SMIM33: variants seen among roughly 807,000 people sequenced by gnomAD.
SMIM33 encodes small integral membrane protein 33.
chr5:139,471,237 C>T, intron 1 of SMIM33, 107 bp downstream of exon 1: 1 of 398,756 alleles, frequency 2.5e-6, no homozygotes. Flanking sequence ...TCTAGAGCTG[C>T]TTCCCCACCC....
Position 139,473,052 on chromosome 5 carries a change from C to G in SMIM33, c.*131C>G, listed in dbSNP as rs1223843911. Reference sequence around the variant, plus strand: ...CACACTGGACTCAGCTGGAGCTGCTCTCTCAGAACATTTATAGAGAGAGCC... The same window carrying G: ...CACACTGGACTCAGCTGGAGCTGCTGTCTCAGAACATTTATAGAGAGAGCC... On this transcript the variant is annotated 3_prime_UTR_variant, in exon 2 of 2. Transcript: ENST00000637503. The G allele has an allele frequency of 1.3e-5, 5 of 397,294 alleles. No individual in the cohort carries two copies. The highest frequency in any genetic ancestry group is 1.0e-4 in the African/African-American group (5 of 48,614). The allele number at this position is 397,294 out of a possible 1,614,324, so 24.6% of individuals were successfully genotyped here. A position where few individuals can be genotyped will look rare whatever the true frequency, so the allele number is the denominator to read the frequency against.
chr5:139,471,613 C>G (rs1751536919), intron 1 of SMIM33, among the ~76,000 whole-genome samples: 1 of 152,126 alleles, frequency 6.6e-6, no homozygotes, highest in African/African-American at 2.4e-5. Context: ...TAATACCAAG[C>G]AGGGTGGAGT....
intron 1 of SMIM33, 94 bp from the exon 2 acceptor site, chr5:139,472,438 T>C: frequency 4.6e-6 from 1 of 217,324 alleles, no homozygotes; most frequent in Non-Finnish European, 9.1e-6. Flanking sequence ...ACCCCCCGCC[T>C]CAGGTTCCTT....
chr5:139,473,683 A>T lies in SMIM33; in HGVS notation c.*762A>T, dbSNP rs765191163. On this transcript the variant is annotated 3_prime_UTR_variant, in exon 2 of 2. Coordinates refer to ENST00000637503, the MANE Select transcript of SMIM33 (RefSeq NM_001365197.1). ...CCAGATCTTTCCGGCTGATGAGAAA[A>T]CAGGAAAGGAAAAGGAGCTCCATGG... The T allele has an allele frequency of 6.6e-6, 1 of 152,156 alleles. No individual in the cohort carries two copies. Among genetic ancestry groups the T allele is most frequent in the Non-Finnish European group, 1.5e-5 (1 of 68,062 alleles). 9.4% of individuals were successfully genotyped at this position (152,156 alleles called of 1,614,324 possible).
rs1480557584 is a variant in SMIM33, at chr5:139,473,426, T to G, written c.*505T>G. On this transcript the variant is annotated 3_prime_UTR_variant, in exon 2 of 2. Coordinates refer to ENST00000637503, the MANE Select transcript of SMIM33 (RefSeq NM_001365197.1). ...CGAACGTCTGTTCTCCTTGGGGCAG[T>G]CAGTCAGGGGCAGTCCTTCGGCTGT... 6.6e-6 allele frequency: 1 copy of G among 152,416 alleles called. No homozygotes were observed. The highest frequency in any genetic ancestry group is 2.4e-5 in the African/African-American group (1 of 41,452). The allele number at this position is 152,416 out of a possible 1,614,324, so 9.4% of individuals were successfully genotyped here.
chr5:139,472,476 C>A, intron 1 of SMIM33, 56 bp from the exon 2 acceptor site: 1 of 367,136 alleles, frequency 2.7e-6, no homozygotes, highest in Non-Finnish European at 4.8e-6. Flanking sequence ...CTATTTTGGT[C>A]TTTTTCTGTG....
intron 1 of SMIM33, 87 bp downstream of exon 1, chr5:139,471,217 C>G (rs1251842485): frequency 2.5e-6 from 1 of 398,870 alleles, no homozygotes; most frequent in Non-Finnish European, 4.4e-6. Flanking sequence ...TTCCCCTTTT[C>G]CTCTGCACAT....
At chr5:139,471,971 A>G (rs1209540991) in intron 1 of SMIM33, among the ~76,000 whole-genome samples, 1 of 152,142 alleles carries the variant, frequency 6.6e-6, no homozygotes, top group African/African-American at 2.4e-5. Flanking sequence ...CAGGACTTTA[A>G]GAAGCAGGTG....
At position 139,473,691 on chromosome 5, in the gene SMIM33, G is replaced by A. The variant is rs1751575618; in HGVS notation, c.*770G>A. The A allele has an allele frequency of 6.6e-6, 1 of 152,212 alleles. No individual in the cohort carries two copies. Among genetic ancestry groups the A allele is most frequent in the Admixed American group, 6.6e-5 (1 of 15,266 alleles). The allele number at this position is 152,212 out of a possible 1,614,324, so 9.4% of individuals were successfully genotyped here. ...TTCCGGCTGATGAGAAAACAGGAAAGGAAAAGGAGCTCCATGGAACTTGTT... is the reference window on the plus strand; with the variant it reads ...TTCCGGCTGATGAGAAAACAGGAAAAGAAAAGGAGCTCCATGGAACTTGTT... On this transcript the variant is annotated 3_prime_UTR_variant, in exon 2 of 2. Transcript: ENST00000637503.
rs1751560747 is a variant in SMIM33, at chr5:139,472,992, C to T, written c.*71C>T. 2.5e-6 allele frequency: 1 copy of T among 398,522 alleles called. No homozygotes were observed. The highest frequency in any genetic ancestry group is 4.4e-5 in the Admixed American group (1 of 22,722). 24.7% of individuals were successfully genotyped at this position (398,522 alleles called of 1,614,324 possible). ...ACCGGGCAGAGAACTAGGGCAAAAGCAAATTGGAGCCTGGGCATCAGAGCG... is the reference window on the plus strand; with the variant it reads ...ACCGGGCAGAGAACTAGGGCAAAAGTAAATTGGAGCCTGGGCATCAGAGCG... On this transcript the variant is annotated 3_prime_UTR_variant, in exon 2 of 2. Coordinates refer to ENST00000637503, the MANE Select transcript of SMIM33 (RefSeq NM_001365197.1).
At chr5:139,471,888 C>T (rs1401445162) in intron 1 of SMIM33, among the ~76,000 whole-genome samples, 3 of 152,206 alleles carry the variant, frequency 2.0e-5, no homozygotes, top group African/African-American at 7.2e-5. Flanking sequence ...GCCGCCAGGG[C>T]ACCACCTGTC....
In SMIM33 at chr5:139,471,063, C is replaced by A. The variant is rs2152092136; in HGVS notation, c.-59C>A. ...CGGGTAGGGGCTGAATTAGGGTGGCCAGCCCTCCTTTACCCAGCTGGCTGC... is the reference window on the plus strand; with the variant it reads ...CGGGTAGGGGCTGAATTAGGGTGGCAAGCCCTCCTTTACCCAGCTGGCTGC... On this transcript the variant is annotated 5_prime_UTR_variant, in exon 1 of 2. Transcript: ENST00000637503. 1 of 398,736 alleles carries A rather than the reference C, an allele frequency of 2.5e-6. No individual in the cohort carries two copies. Among genetic ancestry groups the A allele is most frequent in the South Asian group, 1.3e-4 (1 of 7,860 alleles). The allele number at this position is 398,736 out of a possible 1,614,324, so 24.7% of individuals were successfully genotyped here.
chr5:139,471,841 AG>A (rs1397709209), intron 1 of SMIM33, among the ~76,000 whole-genome samples: 1 of 152,126 alleles, frequency 6.6e-6, no homozygotes, highest in African/African-American at 2.4e-5. Context: ...CTGCCTTCTA[AG>A]TTCACATCCC....
chr5:139,473,655 T>C lies in SMIM33; in HGVS notation c.*734T>C, dbSNP rs1751575053. On this transcript the variant is annotated 3_prime_UTR_variant, in exon 2 of 2. Transcript: ENST00000637503. ...AAGCCTAGAATGTACCACAGGACAT[T>C]TCCCAGATCTTTCCGGCTGATGAGA... The C allele has an allele frequency of 6.6e-6, 1 of 152,170 alleles. No individual in the cohort carries two copies. The highest frequency in any genetic ancestry group is 1.5e-5 in the Non-Finnish European group (1 of 68,042). 9.4% of individuals were successfully genotyped at this position (152,170 alleles called of 1,614,324 possible). A position where few individuals can be genotyped will look rare whatever the true frequency, so the allele number is the denominator to read the frequency against.
In SMIM33 at chr5:139,471,078, C is replaced by G; in HGVS notation, c.-44C>G. 2.5e-6 allele frequency: 1 copy of G among 398,776 alleles called. No individual in the cohort carries two copies. The highest frequency in any genetic ancestry group is 6.3e-4 in the Middle Eastern group (1 of 1,588). 24.7% of individuals were successfully genotyped at this position (398,776 alleles called of 1,614,324 possible). ...TTAGGGTGGCCAGCCCTCCTTTACC[C>G]AGCTGGCTGCCAGTCCCAAGGGAGC... On this transcript the variant is annotated 5_prime_UTR_variant, in exon 1 of 2. Transcript: ENST00000637503.
chr5:139,473,543 ACT>A lies in SMIM33; in HGVS notation c.*625_*626del, dbSNP rs1367281156. On this transcript the variant is annotated 3_prime_UTR_variant, in exon 2 of 2. Transcript: ENST00000637503. ...GATTGGCTTTCAAAGGCCCCCACTG[ACT>A]CTGTCTTGCCTCTCCAGAAGGGATG... 4 of 151,730 alleles carry A rather than the reference ACT, an allele frequency of 2.6e-5. No individual in the cohort carries two copies. Among genetic ancestry groups the A allele is most frequent in the African/African-American group, 9.7e-5 (4 of 41,280 alleles). The allele number at this position is 151,730 out of a possible 1,614,324, so 9.4% of individuals were successfully genotyped here. A position where few individuals can be genotyped will look rare whatever the true frequency, so the allele number is the denominator to read the frequency against.
rs375794657 is a variant in SMIM33 at position 139,471,213 on chromosome 5, T to G, written c.9+83T>G. 46 of 398,776 alleles carry G rather than the reference T, an allele frequency of 1.2e-4. No individual in the cohort carries two copies. The East Asian group carries it at 1.4e-3, about 12-fold the overall frequency. The allele number at this position is 398,776 out of a possible 1,614,324, so 24.7% of individuals were successfully genotyped here. On this transcript the variant is annotated intron_variant, in intron 1 of 1. Coordinates refer to ENST00000637503, the MANE Select transcript of SMIM33 (RefSeq NM_001365197.1). ...GTCTGTCACCAGCCTCAGCTTCCCC[T>G]TTTCCTCTGCACATCTAGAGCTGCT...
intron 1 of SMIM33, among the ~76,000 whole-genome samples, chr5:139,471,829 C>T (rs572371207): frequency 6.6e-6 from 1 of 152,236 alleles, no homozygotes; most frequent in Non-Finnish European, 1.5e-5. Context: ...AGAGGCATCC[C>T]CCTGCCTTCT....
Position 139,472,787 on chromosome 5 carries a change from A to G in SMIM33, c.265A>G (p.Ile89Val), listed in dbSNP as rs1475931297. The G allele has an allele frequency of 1.2e-5, 5 of 400,816 alleles. 1 individual carries two copies. In the South Asian group the frequency reaches 6.3e-4, roughly 50 times the overall value. The allele number at this position is 400,816 out of a possible 1,614,324, so 24.8% of individuals were successfully genotyped here. ...EPPTPKPDGG[I>V]YLIHWRVLGP... ...ACCGACCCCAAAGCCAGATGGTGGC[A>G]TCTACCTCATCCACTGGCGGGTGCT... is the stretch of plus-strand genomic sequence containing the variant. The change falls in exon 2 of 2, where the codon ATC (isoleucine) becomes GTC (valine). Residue 89 changes from isoleucine to valine, a missense_variant. Transcript: ENST00000637503.
Sources: allele counts gnomAD v4.1 joint callset (sites outside exome capture counted in the v4.1 genomes callset), GRCh38; gene constraint gnomAD v4.1.1; transcripts MANE v1.5; gene names NCBI Gene and HGNC (gene_info 2026-07-23, HGNC 2026-07-21).